Variants in CACNG6 observed in about 807,000 individuals in gnomAD.
CACNG6 encodes the protein voltage-dependent calcium channel gamma-6 subunit.
A neutral mutation model predicts 23.9 loss-of-function variants in CACNG6; 21 were observed. The ratio of observed to expected loss-of-function variants is 0.88; its 90% CI spans 0.62 to 1.26. CACNG6 has a LOEUF of 1.26. Among genes scored for constraint, CACNG6 ranks in the 50% most tolerant of loss-of-function variants. The pLI, the probability that CACNG6 is intolerant of heterozygous loss-of-function variation, is 0.00. For synonymous variants in CACNG6, 182 were observed against 168.9 expected (o/e 1.08, Z -0.60); for missense variants, 340 against 352.9 (o/e 0.96, Z 0.29).
intron 3 of CACNG6, among the ~76,000 whole-genome samples, chr19:54,008,950 T>C (rs1407116595): frequency 6.6e-6 from 1 of 152,202 alleles, no homozygotes; most frequent in African/African-American, 2.4e-5. Context: ...TTCTTCGAGT[T>C]GACGTTTAAA....
intron 3 of CACNG6, among the ~76,000 whole-genome samples, chr19:54,007,012 G>A (rs1054348722): frequency 6.6e-6 from 1 of 151,252 alleles, no homozygotes. Flanking sequence ...TGATGACTTC[G>A]CTTTAACTTA....
chr19:53,992,579 G>A lies in CACNG6; in HGVS notation c.-299G>A, dbSNP rs2069472612. The A allele has an allele frequency of 4.0e-6, 1 of 251,748 alleles. No homozygotes were observed. The highest frequency in any genetic ancestry group is 1.7e-4 in the South Asian group (1 of 5,750). 15.6% of individuals were successfully genotyped at this position (251,748 alleles called of 1,614,324 possible). A position where few individuals can be genotyped will look rare whatever the true frequency, so the allele number is the denominator to read the frequency against. ...TTCTATCTCTAAACCTCAGGGTGGG[G>A]GCCTTGTTTTTCCTCTGGGCCCCGT... On this transcript the variant is annotated 5_prime_UTR_variant, in exon 1 of 4. Transcript: ENST00000252729. This position sits in a 1 kb window ranked among gnomAD's most constrained non-coding sequence, Gnocchi z 4.1.
chr19:54,005,250 T>TAAATAAATA (rs368321136), intron 3 of CACNG6, among the ~76,000 whole-genome samples: 19 of 94,030 alleles, frequency 2.0e-4, no homozygotes, highest in East Asian at 1.2e-3. Context: ...AATAAATAAA[T>TAAATAAATA]AATAATAAAA....
In CACNG6 at chr19:54,010,036, C is replaced by CTT. The variant is rs199976621; in HGVS notation, c.545-1913_545-1912dup. On this transcript the variant is annotated intron_variant, in intron 3 of 3. Coordinates refer to ENST00000252729, the MANE Select transcript of CACNG6 (RefSeq NM_145814.2). ...AACTTGCATGGAGACTATTTCTTTT[C>CTT]TTTCTTTTTTTTTTTTTTTTGTTGC... 3.2e-3 allele frequency among the ~76,000 whole-genome samples: 317 copies of CTT among 97,906 alleles called. 9 individuals carry two copies. Among genetic ancestry groups the CTT allele is most frequent in the African/African-American group, 0.012 (288 of 25,032 alleles). The allele number at this position is 97,906 out of a possible 152,430, so 64.2% of individuals were successfully genotyped here. A position where few individuals can be genotyped will look rare whatever the true frequency, so the allele number is the denominator to read the frequency against.
At chr19:53,991,571 C>CGGAGGGT (rs1476052907), upstream of CACNG6, among the ~76,000 whole-genome samples, 3 of 21,658 alleles carry the variant, frequency 1.4e-4, no homozygotes, top group African/African-American at 6.4e-4. Context: ...CGAAATAGCC[C>CGGAGGGT]CGAGGGTGGA....
chr19:54,002,275 G>GTTTTTTTTTTTTTTTTTTTTTTTT (rs1174799698), intron 3 of CACNG6, among the ~76,000 whole-genome samples: 3 of 116,434 alleles, frequency 2.6e-5, no homozygotes, highest in Admixed American at 8.7e-5. Context: ...CGGTTTTTTT[G>GTTTTTTTTTTTTTTTTTTTTTTTT]TTTTTTTTGT....
At chr19:53,998,844 C>A (rs2069547845) in intron 2 of CACNG6, among the ~76,000 whole-genome samples, 1 of 151,890 alleles carries the variant, frequency 6.6e-6, no homozygotes, top group African/African-American at 2.4e-5. Flanking sequence ...TCTGCCTATG[C>A]CACGTTCTGT....
rs1455508264 is a variant in CACNG6 at position 53,992,103 on chromosome 19, CT to C, written c.-774del. Among the ~76,000 whole-genome samples the C allele has an allele frequency of 6.6e-6, 1 of 152,202 alleles. No individual in the cohort carries two copies. Among genetic ancestry groups the C allele is most frequent in the Non-Finnish European group, 1.5e-5 (1 of 68,024 alleles). ...CTTTTCTGAATGGCAGGGGAGACCC[CT>C]ATCCCCTTTTCCTGAATTCCAGCGA... On this transcript the variant is annotated 5_prime_UTR_variant, in exon 1 of 4. The change abolishes the stop of an existing upstream ORF in the 5' untranslated region. Transcript: ENST00000252729. This position sits in a 1 kb window ranked among gnomAD's most constrained non-coding sequence, Gnocchi z 4.1.
At chr19:53,991,157 TAGG>T (rs2069454457), upstream of CACNG6, among the ~76,000 whole-genome samples, 1 of 137,746 alleles carries the variant, frequency 7.3e-6, no homozygotes, top group African/African-American at 2.8e-5. Context: ...GCCCAGGACC[TAGG>T]AGACCAGGTT....
At chr19:54,006,459 C>G (rs2069645744) in intron 3 of CACNG6, among the ~76,000 whole-genome samples, 1 of 151,644 alleles carries the variant, frequency 6.6e-6, no homozygotes, top group African/African-American at 2.4e-5. Flanking sequence ...GCCAACTTAT[C>G]CCTGTATCTT....
intron 3 of CACNG6, among the ~76,000 whole-genome samples, chr19:54,007,081 C>T (rs1342814386): frequency 6.6e-6 from 1 of 152,116 alleles, no homozygotes; most frequent in Admixed American, 6.6e-5. Context: ...CAGGGTCTCA[C>T]TCTGTTGCCC....
intron 3 of CACNG6, among the ~76,000 whole-genome samples, chr19:54,007,034 G>C (rs167417): frequency 6.6e-6 from 1 of 150,410 alleles, no homozygotes; most frequent in Non-Finnish European, 1.5e-5. Context: ...TTATCTGTTT[G>C]TGTGTGTGTG....
At position 53,993,149 on chromosome 19, in the gene CACNG6, T is replaced by TG; in HGVS notation, c.273dup (p.Trp92ValfsTer27). 6.5e-7 allele frequency: 1 copy of TG among 1,546,670 alleles called. No individual in the cohort carries two copies. Among genetic ancestry groups the TG allele is most frequent in the Non-Finnish European group, 8.7e-7 (1 of 1,146,108 alleles). ...CTGTGGAAGGCGTGCACCAAGCGGC[T>TG]GTGGCAGGCGGACGTGCCCGTGGAC... is the stretch of plus-strand genomic sequence containing the variant. On this transcript the variant is annotated frameshift_variant, in exon 1 of 4. Transcript: ENST00000252729. LOFTEE classifies it high-confidence loss of function.
In CACNG6 at chr19:53,992,796, C is replaced by T; in HGVS notation, c.-82C>T. 4.1e-6 allele frequency: 4 copies of T among 981,866 alleles called. No homozygotes were observed. Among genetic ancestry groups the T allele is most frequent in the Non-Finnish European group, 5.6e-6 (4 of 718,624 alleles). The allele number at this position is 981,866 out of a possible 1,614,324, so 60.8% of individuals were successfully genotyped here. ...CTGAGTCCCTCACCCCCTTCAAGAC[C>T]CCAGGCCGCTCCTCGCTCCCGCCCC... On this transcript the variant is annotated 5_prime_UTR_variant, in exon 1 of 4. Transcript: ENST00000252729. The surrounding 1 kb of genome is among the most constrained non-coding windows in gnomAD (Gnocchi z 4.1).
Position 53,999,620 on chromosome 19 carries a change from T to C in CACNG6, c.407-14T>C. 1 of 1,612,202 alleles carries C rather than the reference T, an allele frequency of 6.2e-7. No homozygotes were observed. The highest frequency in any genetic ancestry group is 8.5e-7 in the Non-Finnish European group (1 of 1,179,714). Reference sequence around the variant, plus strand: ...TCCCATGTTCTCTGCTTCTTTCCTCTCTCCTGCTGGCAGAGGTGAATCTGG... The same window carrying C: ...TCCCATGTTCTCTGCTTCTTTCCTCCCTCCTGCTGGCAGAGGTGAATCTGG... On this transcript the variant is annotated splice_polypyrimidine_tract_variant and intron_variant, in intron 2 of 3. Coordinates refer to ENST00000252729, the MANE Select transcript of CACNG6 (RefSeq NM_145814.2).
At chr19:54,005,669 C>G (rs904288022) in intron 3 of CACNG6, among the ~76,000 whole-genome samples, 1 of 151,688 alleles carries the variant, frequency 6.6e-6, no homozygotes, top group Non-Finnish European at 1.5e-5. Context: ...AGGGGAATCA[C>G]TTGAATTCAA....
At chr19:54,006,075 G>A (rs950604131) in intron 3 of CACNG6, among the ~76,000 whole-genome samples, 6 of 54,260 alleles carry the variant, frequency 1.1e-4, no homozygotes, top group South Asian at 2.0e-3. Context: ...GGGTGACAGA[G>A]CAAGACTCTG....
At chr19:54,005,035 C>T (rs1415511990) in intron 3 of CACNG6, among the ~76,000 whole-genome samples, 3 of 149,422 alleles carry the variant, frequency 2.0e-5, no homozygotes, top group Non-Finnish European at 4.4e-5. Flanking sequence ...CATGGTGAAA[C>T]CCTGACTCTA....
rs921690462 is a variant in CACNG6 at position 54,007,174 on chromosome 19, G to A, written c.545-4777G>A. Reference sequence around the variant, plus strand: ...AGCGATTCTCATGCCTCAGCCTCCCGAGTAGCTGGGATTACACGCATGCAC... The same window carrying A: ...AGCGATTCTCATGCCTCAGCCTCCCAAGTAGCTGGGATTACACGCATGCAC... On this transcript the variant is annotated intron_variant, in intron 3 of 3. Coordinates refer to ENST00000252729, the MANE Select transcript of CACNG6 (RefSeq NM_145814.2). 9.2e-5 allele frequency among the ~76,000 whole-genome samples: 14 copies of A among 152,152 alleles called. No homozygotes were observed. In the East Asian group the frequency reaches 2.3e-3, roughly 25 times the overall value.
Sources: allele counts gnomAD v4.1 joint callset (sites outside exome capture counted in the v4.1 genomes callset), GRCh38; gene constraint gnomAD v4.1.1; non-coding constraint Gnocchi (gnomAD v3.1); transcripts MANE v1.5; gene names NCBI Gene and HGNC (gene_info 2026-07-23, HGNC 2026-07-21).